The following GRXCR1 variants were observed in gnomAD, a reference collection of about 807,000 sequenced individuals.
GRXCR1 encodes glutaredoxin and cysteine rich domain containing 1, also known as glutaredoxin domain-containing cysteine-rich protein 1.
A neutral mutation model predicts 27.3 loss-of-function variants in GRXCR1; 27 were observed. That is an observed-to-expected ratio of 0.99 (90% CI 0.73 to 1.37). The LOEUF (loss-of-function observed/expected upper bound fraction) is 1.37. Ranked by LOEUF, GRXCR1 falls within the 40% of genes most tolerant of loss-of-function variation. The pLI, the probability that GRXCR1 is intolerant of heterozygous loss-of-function variation, is 0.00. For synonymous variants in GRXCR1, 122 were observed against 131.1 expected, an observed-to-expected ratio of 0.93 and a Z score of 0.47; for missense variants, 379 against 354.4, an observed-to-expected ratio of 1.07 and a Z score of -0.56.
rs111789986 is a variant in GRXCR1, at chr4:42,951,297, T to A, written c.385-11595T>A. Among the ~76,000 whole-genome samples the A allele has an allele frequency of 3.3e-3, 503 of 152,284 alleles. 5 individuals are homozygous for A. The highest frequency in any genetic ancestry group is 1.0e-2 in the African/African-American group (414 of 41,564). ...TATCTGCTTCTAAATGCTCATTACA[T>A]TGCAAATGCTCATCTCTTCCAGAAA... On this transcript the variant is annotated intron_variant, in intron 1 of 3. Coordinates refer to ENST00000399770, the MANE Select transcript of GRXCR1 (RefSeq NM_001080476.3).
intron 1 of GRXCR1, among the ~76,000 whole-genome samples, chr4:42,946,804 C>T (rs1229324785): frequency 6.6e-6 from 1 of 152,134 alleles, no homozygotes; most frequent in Non-Finnish European, 1.5e-5. Flanking sequence ...GATTAAATTT[C>T]AACATATGAA....
At position 42,971,094 on chromosome 4, in the gene GRXCR1, T is replaced by C. The variant is rs116732521; in HGVS notation, c.627+7960T>C. On this transcript the variant is annotated intron_variant, in intron 2 of 3. Coordinates refer to ENST00000399770, the MANE Select transcript of GRXCR1 (RefSeq NM_001080476.3). ...CAGGGGAAAGATGCCACCAGTCTCT[T>C]TGCTATAGAGTGACCTTTACTCCAG... is the stretch of plus-strand genomic sequence containing the variant. Among the ~76,000 whole-genome samples the C allele has an allele frequency of 8.2e-3, 1,244 of 152,214 alleles. 16 individuals carry two copies. Among genetic ancestry groups the C allele is most frequent in the African/African-American group, 0.028 (1,174 of 41,532 alleles).
intron 1 of GRXCR1, among the ~76,000 whole-genome samples, chr4:42,915,051 G>A (rs924608909): frequency 4.6e-5 from 7 of 152,124 alleles, no homozygotes; most frequent in Non-Finnish European, 1.0e-4. Flanking sequence ...AAATTACTCA[G>A]TCTTGGGGAT....
intron 1 of GRXCR1, among the ~76,000 whole-genome samples, chr4:42,934,252 A>ATATC (rs1291213225): frequency 9.3e-5 from 14 of 149,738 alleles, no homozygotes; most frequent in African/African-American, 3.2e-4. Flanking sequence ...ATATATATAT[A>ATATC]TATATGTATA....
intron 1 of GRXCR1, among the ~76,000 whole-genome samples, chr4:42,901,558 G>A (rs1271560854): frequency 6.6e-6 from 1 of 152,138 alleles, no homozygotes. Context: ...GGCCTATCCA[G>A]TCTGGGATAA....
intron 2 of GRXCR1, among the ~76,000 whole-genome samples, chr4:42,984,258 T>C (rs1711604395): frequency 6.6e-6 from 1 of 152,246 alleles, no homozygotes; most frequent in Admixed American, 6.5e-5. Flanking sequence ...TAATCTCTTT[T>C]TTAAATTTCT....
chr4:42,944,907 T>C (rs564567866), intron 1 of GRXCR1, among the ~76,000 whole-genome samples: 1 of 152,276 alleles, frequency 6.6e-6, no homozygotes, highest in African/African-American at 2.4e-5. Context: ...GGAATCTTGG[T>C]TGTATCAGTC....
chr4:42,913,147 A>G (rs1746765438), intron 1 of GRXCR1, among the ~76,000 whole-genome samples: 1 of 152,178 alleles, frequency 6.6e-6, no homozygotes, highest in East Asian at 1.9e-4. Flanking sequence ...GCAAGACTGA[A>G]CTAATACAAT....
intron 1 of GRXCR1, among the ~76,000 whole-genome samples, chr4:42,901,460 A>G (rs1429262931): frequency 6.6e-6 from 1 of 152,102 alleles, no homozygotes; most frequent in Non-Finnish European, 1.5e-5. Context: ...GTGGCCCTGC[A>G]TCCTTCTGAC....
At position 42,948,041 on chromosome 4, in the gene GRXCR1, C is replaced by T. The variant is rs116101719; in HGVS notation, c.385-14851C>T. 4.1e-3 allele frequency among the ~76,000 whole-genome samples: 623 copies of T among 152,214 alleles called. 3 individuals carry two copies. The highest frequency in any genetic ancestry group is 0.014 in the African/African-American group (592 of 41,558). ...GGCAACATTTTTTTGCTTTTGAAAT[C>T]TTGTCGTTATTTGTTTTCTTTGAAG... On this transcript the variant is annotated intron_variant, in intron 1 of 3. Transcript: ENST00000399770.
At chr4:42,976,508 G>C (rs375987038) in intron 2 of GRXCR1, among the ~76,000 whole-genome samples, 8 of 151,808 alleles carry the variant, frequency 5.3e-5, no homozygotes, top group South Asian at 2.1e-4. Context: ...AAGAGTATAG[G>C]TCAGTAAATT....
intron 1 of GRXCR1, among the ~76,000 whole-genome samples, chr4:42,960,065 T>G (rs1360259874): frequency 6.6e-6 from 1 of 151,928 alleles, no homozygotes; most frequent in East Asian, 1.9e-4. Context: ...ATTTTGAAAA[T>G]GCATGTGTCT....
At chr4:42,963,717 G>A (rs1256377508) in intron 2 of GRXCR1, among the ~76,000 whole-genome samples, 2 of 151,892 alleles carry the variant, frequency 1.3e-5, no homozygotes, top group African/African-American at 4.8e-5. Context: ...ATTGCTCTTT[G>A]AATAATATTG....
chr4:42,997,275 T>G (rs760541448), intron 2 of GRXCR1, among the ~76,000 whole-genome samples: 1 of 152,194 alleles, frequency 6.6e-6, no homozygotes, highest in Non-Finnish European at 1.5e-5. Context: ...CTTCAAATAT[T>G]TAGTGAAGCT....
At chr4:42,970,668 A>G (rs1437268969) in intron 2 of GRXCR1, among the ~76,000 whole-genome samples, 8 of 152,244 alleles carry the variant, frequency 5.3e-5, no homozygotes, top group African/African-American at 1.9e-4. Context: ...ATGGCCCATG[A>G]AATTATTTTT....
At chr4:43,020,490 T>C in intron 3 of GRXCR1, 71 bp downstream of exon 3, 3 of 983,142 alleles carry the variant, frequency 3.1e-6, no homozygotes. Context: ...AATTGAGTTT[T>C]CCTAATTGAA....
At chr4:42,962,558 T>C (rs2084437327) in intron 1 of GRXCR1, among the ~76,000 whole-genome samples, 1 of 151,998 alleles carries the variant, frequency 6.6e-6, no homozygotes, top group African/African-American at 2.4e-5. Context: ...GATATCGTAA[T>C]TGAGCAATGT....
intron 2 of GRXCR1, among the ~76,000 whole-genome samples, chr4:43,015,006 G>T (rs1262971158): frequency 6.6e-6 from 1 of 152,164 alleles, no homozygotes; most frequent in Non-Finnish European, 1.5e-5. Context: ...TTATTGAGCA[G>T]GTGACATTTA....
intron 1 of GRXCR1, among the ~76,000 whole-genome samples, chr4:42,941,756 A>G (rs1216312114): frequency 2.1e-5 from 3 of 140,168 alleles, no homozygotes; most frequent in Non-Finnish European, 4.8e-5. Context: ...TTTAAAGGTA[A>G]TAAACTGAAG....
Sources: allele counts gnomAD v4.1 joint callset (sites outside exome capture counted in the v4.1 genomes callset), GRCh38; gene constraint gnomAD v4.1.1; transcripts MANE v1.5; gene names NCBI Gene and HGNC (gene_info 2026-07-23, HGNC 2026-07-21).